Variants in DNAH6 observed in about 807,000 individuals in gnomAD.
The protein encoded by DNAH6 is dynein axonemal heavy chain 6.
DNAH6 carries 340 observed loss-of-function variants against 491.4 expected under a neutral mutation model. The observed-to-expected ratio is 0.69, with a 90% CI of 0.63 to 0.76. DNAH6 has a LOEUF of 0.76. Ranked by LOEUF, DNAH6 falls within the 30% of genes least tolerant of loss-of-function variation. DNAH6 has a pLI of 0.00. For synonymous variants in DNAH6, 1,603 were observed against 1,686.1 expected, an observed-to-expected ratio of 0.95 and a Z score of 1.21; for missense variants, 4,443 against 4,972.2, an observed-to-expected ratio of 0.89 and a Z score of 3.20.
At position 84,653,373 on chromosome 2, in the gene DNAH6, T is replaced by C. The variant is rs1049339428; in HGVS notation, c.5133T>C (p.Gly1711=). ...TCCAAATTCCAGAACATGATTATGG[T>C]ATTTTACAATCAACAATTGTGGATG... ...PGVQIPEHDY[G]ILQSTIVDVM... is the part of the protein sequence containing the mutation. The change falls in exon 34 of 77, where the codon GGT becomes GGC. Residue 1711 remains glycine, a synonymous_variant. Transcript: ENST00000389394. 7.7e-6 allele frequency: 12 copies of C among 1,550,218 alleles called. No individual in the cohort carries two copies. The African/African-American group carries it at 1.2e-4, about 16-fold the overall frequency.
chr2:84,672,182 G>T, intron 39 of DNAH6, 145 bp from the exon 40 acceptor site: 1 of 753,924 alleles, frequency 1.3e-6, no homozygotes, highest in South Asian at 2.3e-5. Context: ...CCAGAAGGAA[G>T]TCTCTCCTCC....
At chr2:84,574,754 C>T (rs983074477) in intron 12 of DNAH6, among the ~76,000 whole-genome samples, 3 of 152,182 alleles carry the variant, frequency 2.0e-5, no homozygotes, top group African/African-American at 7.2e-5. Context: ...ACAGTGGCAG[C>T]AGGGTATGGA....
intron 76 of DNAH6, among the ~76,000 whole-genome samples, chr2:84,817,086 G>A (rs1359520723): frequency 6.6e-6 from 1 of 152,118 alleles, no homozygotes; most frequent in Non-Finnish European, 1.5e-5. Context: ...AGATTGTGAG[G>A]TCTCACAAAG....
intron 4 of DNAH6, among the ~76,000 whole-genome samples, chr2:84,531,101 T>C (rs943349044): frequency 6.6e-6 from 1 of 152,050 alleles, no homozygotes; most frequent in Non-Finnish European, 1.5e-5. Context: ...AAGGCCAAGA[T>C]GGAAAAACTC....
the DNAH6 span, among the ~76,000 whole-genome samples, chr2:84,470,867 A>G: frequency 6.6e-6 from 1 of 152,178 alleles, no homozygotes; most frequent in Non-Finnish European, 1.5e-5. Context: ...CCAGGGGGCC[A>G]TCGCAATTGT....
chr2:84,649,029 A>G (rs1187350646), intron 33 of DNAH6, among the ~76,000 whole-genome samples: 1 of 152,218 alleles, frequency 6.6e-6, no homozygotes, highest in Non-Finnish European at 1.5e-5. Context: ...AGCAGCTATC[A>G]ACATTGAGGT....
At chr2:84,768,157 T>C (rs1452328255) in intron 64 of DNAH6, among the ~76,000 whole-genome samples, 2 of 152,020 alleles carry the variant, frequency 1.3e-5, no homozygotes, top group African/African-American at 4.8e-5. Flanking sequence ...TAGAGGGAAA[T>C]GTATAGGCTT....
intron 61 of DNAH6, among the ~76,000 whole-genome samples, chr2:84,729,119 A>G (rs1462915109): frequency 1.3e-5 from 2 of 151,988 alleles, no homozygotes; most frequent in Non-Finnish European, 2.9e-5. Context: ...GCATACACAC[A>G]TATTCTGTGA....
At chr2:84,611,982 C>G in intron 22 of DNAH6, 128 bp downstream of exon 22, 2 of 752,678 alleles carry the variant, frequency 2.7e-6, no homozygotes, top group Non-Finnish European at 2.0e-6. Flanking sequence ...TGATTCTAGT[C>G]AGCATGGATG....
At chr2:84,768,649 G>C (rs1328286181) in intron 64 of DNAH6, among the ~76,000 whole-genome samples, 2 of 151,960 alleles carry the variant, frequency 1.3e-5, no homozygotes, top group African/African-American at 4.8e-5. Context: ...TCTCACCACA[G>C]AAAAGTATAT....
intron 59 of DNAH6, among the ~76,000 whole-genome samples, chr2:84,721,253 A>G (rs1227477063): frequency 6.6e-6 from 1 of 152,184 alleles, no homozygotes; most frequent in African/African-American, 2.4e-5. Context: ...CTGATCCCAT[A>G]TCAACTTTTT....
intron 35 of DNAH6, among the ~76,000 whole-genome samples, chr2:84,655,252 A>G (rs879890566): frequency 1.3e-5 from 2 of 152,276 alleles, no homozygotes; most frequent in Admixed American, 1.3e-4. Context: ...ACTCATTTAC[A>G]TCCTACCCCA....
rs577342496 is a variant in DNAH6, at chr2:84,742,582, A to G, written c.10343-2498A>G. 3.0e-4 allele frequency among the ~76,000 whole-genome samples: 46 copies of G among 152,240 alleles called. 1 individual carries two copies. In the South Asian group the frequency reaches 5.6e-3, roughly 19 times the overall value. ...GCATCCAAAATGTCAATATTAGTAAAGTTAAGAAACTCTGATCTGTTTGGA... is the reference window on the plus strand; with the variant it reads ...GCATCCAAAATGTCAATATTAGTAAGGTTAAGAAACTCTGATCTGTTTGGA... On this transcript the variant is annotated intron_variant, in intron 62 of 76. Transcript: ENST00000389394.
At chr2:84,526,535 T>G (rs1676619837) in intron 3 of DNAH6, among the ~76,000 whole-genome samples, 1 of 152,056 alleles carries the variant, frequency 6.6e-6, no homozygotes. Context: ...AAAAGGGACT[T>G]TTACACCTGG....
rs1363122706 is a variant in DNAH6 at position 84,727,823 on chromosome 2, T to A, written c.10127T>A (p.Val3376Asp). Reference sequence around the variant, plus strand: ...CTCATCTACAGCTTTATGCTTTGTGTTGAGATGATGCGTCAGCAAGGAACC... The same window carrying A: ...CTCATCTACAGCTTTATGCTTTGTGATGAGATGATGCGTCAGCAAGGAACC... ...HKLIYSFMLC[V>D]EMMRQQGTLS... Residue 3376 changes from valine to aspartate, a missense_variant, in exon 61 of 77, where the codon GTT (valine) becomes GAT (aspartate). By Grantham distance (152) the Val-to-Asp change is radical. This residue lies in a region of DNAH6 where 1,463 missense variants were observed against 1,656.6 expected (regional missense o/e 0.88). Coordinates refer to ENST00000389394, the MANE Select transcript of DNAH6 (RefSeq NM_001370.2). The A allele has an allele frequency of 1.9e-6, 3 of 1,552,078 alleles. No individual in the cohort carries two copies. The East Asian group carries it at 7.3e-5, about 38-fold the overall frequency.
chr2:84,544,111 TA>T (rs1432033026), intron 4 of DNAH6, 121 bp from the exon 5 acceptor site: 2 of 506,664 alleles, frequency 3.9e-6, no homozygotes, highest in Admixed American at 7.5e-5. Flanking sequence ...TAGAATTTTT[TA>T]ACTTTAAATA....
chr2:84,712,719 A>G (rs1296871668), intron 56 of DNAH6, among the ~76,000 whole-genome samples: 1 of 152,244 alleles, frequency 6.6e-6, no homozygotes, highest in East Asian at 1.9e-4. Context: ...ATAGGCTGTC[A>G]TTTGCCAATC....
intron 47 of DNAH6, among the ~76,000 whole-genome samples, chr2:84,698,066 A>G (rs1015053906): frequency 6.6e-6 from 1 of 152,152 alleles, no homozygotes; most frequent in African/African-American, 2.4e-5. Context: ...TAGGTCCAGC[A>G]TTGTTGATGC....
chr2:84,664,076 C>T (rs1691818419), intron 37 of DNAH6, among the ~76,000 whole-genome samples: 1 of 152,144 alleles, frequency 6.6e-6, no homozygotes, highest in Non-Finnish European at 1.5e-5. Context: ...CCAGGCCAGC[C>T]TTGCAAGAGC....
Sources: gnomAD v4.1 joint callset for allele counts (sites outside exome capture counted in the v4.1 genomes callset) on GRCh38, gnomAD v4.1.1 for gene constraint, gnomAD v4.1.1 regional missense constraint, MANE v1.5 for transcripts, NCBI Gene and HGNC (gene_info 2026-07-23, HGNC 2026-07-21) for gene names.